PTPRT: variants seen among roughly 807,000 people sequenced by gnomAD.
The protein encoded by PTPRT is protein tyrosine phosphatase receptor type T, also known as receptor-type tyrosine-protein phosphatase T.
A neutral mutation model predicts 176.8 loss-of-function variants in PTPRT; 56 were observed. The ratio of observed to expected loss-of-function variants is 0.32; its 90% CI spans 0.26 to 0.40. The LOEUF (loss-of-function observed/expected upper bound fraction) is 0.40, where lower values mean the gene tolerates loss of function less well. Ranked by LOEUF, PTPRT falls within the 10% of genes least tolerant of loss-of-function variation. The probability of loss-of-function intolerance (pLI) is 1.00; values close to 1 mark genes in which losing one functional copy is unlikely to be tolerated. For synonymous variants in PTPRT, 783 were observed against 739.0 expected (o/e 1.06, Z -0.96); for missense variants, 1,540 against 1,908.2 (o/e 0.81, Z 3.60).
chr20:42,640,055 T>C (rs2074705552), intron 7 of PTPRT, among the ~76,000 whole-genome samples: 1 of 152,084 alleles, frequency 6.6e-6, no homozygotes, highest in South Asian at 2.1e-4. Flanking sequence ...TCTACACAGA[T>C]GGAGTTCATT....
chr20:42,386,499 G>A, intron 9 of PTPRT, among the ~76,000 whole-genome samples: 1 of 152,152 alleles, frequency 6.6e-6, no homozygotes, highest in Admixed American at 6.5e-5. Context: ...GAGAGGAGTG[G>A]AACTGGACAA....
intron 1 of PTPRT, among the ~76,000 whole-genome samples, chr20:43,122,968 C>T (rs1268940746): frequency 7.2e-5 from 11 of 152,164 alleles, no homozygotes; most frequent in Non-Finnish European, 1.6e-4. Context: ...ATTCTCCTGC[C>T]TCAGCCTCCC....
chr20:42,335,970 C>CT lies in PTPRT; in HGVS notation c.1865+14657dup, dbSNP rs1396094482. 3.3e-5 allele frequency among the ~76,000 whole-genome samples: 5 copies of CT among 152,240 alleles called. No homozygotes were observed. In the East Asian group the frequency reaches 9.6e-4, roughly 29 times the overall value. ...CATGATCTTGAGCAAGTTAGTTAAC[C>CT]TTTCAGTACTTCAGTTTCCCCATCT... On this transcript the variant is annotated intron_variant, in intron 11 of 30. Coordinates refer to ENST00000373187, the MANE Select transcript of PTPRT (RefSeq NM_007050.6).
At chr20:42,942,653 C>T (rs1980633167) in intron 1 of PTPRT, among the ~76,000 whole-genome samples, 2 of 152,194 alleles carry the variant, frequency 1.3e-5, no homozygotes. Context: ...CGTATGATTG[C>T]TGGCTCTGGG....
chr20:42,904,507 A>G (rs1315621918), intron 1 of PTPRT, among the ~76,000 whole-genome samples: 3 of 152,190 alleles, frequency 2.0e-5, no homozygotes, highest in Admixed American at 6.5e-5. Flanking sequence ...CACAGTACCA[A>G]GGCAATGCCC....
intron 1 of PTPRT, among the ~76,000 whole-genome samples, chr20:42,975,930 A>C (rs1020014047): frequency 6.6e-6 from 1 of 151,970 alleles, no homozygotes; most frequent in African/African-American, 2.4e-5. Context: ...CCCCACCAAA[A>C]AAAAAAAAGA....
chr20:42,242,386 T>A (rs969962177), intron 14 of PTPRT, among the ~76,000 whole-genome samples: 1 of 152,186 alleles, frequency 6.6e-6, no homozygotes, highest in Non-Finnish European at 1.5e-5. Flanking sequence ...ACACTGGAGA[T>A]GAAGATGAAT....
chr20:42,209,344 T>C (rs907923177), intron 15 of PTPRT, among the ~76,000 whole-genome samples: 7 of 151,730 alleles, frequency 4.6e-5, no homozygotes, highest in African/African-American at 1.7e-4. Flanking sequence ...TTCAAAAAAT[T>C]AATGAATCCA....
intron 18 of PTPRT, among the ~76,000 whole-genome samples, chr20:42,135,170 GCTTGT>G (rs1988313514): frequency 6.6e-6 from 1 of 152,160 alleles, no homozygotes; most frequent in African/African-American, 2.4e-5. Flanking sequence ...CAGACCTGAG[GCTTGT>G]CACACCCTAA....
At chr20:42,522,834 G>T (rs1037841858) in intron 7 of PTPRT, among the ~76,000 whole-genome samples, 1 of 152,044 alleles carries the variant, frequency 6.6e-6, no homozygotes, top group African/African-American at 2.4e-5. Flanking sequence ...ATATGAAATT[G>T]GTTTCCCTGA....
intron 15 of PTPRT, among the ~76,000 whole-genome samples, chr20:42,223,557 T>G (rs920053602): frequency 6.6e-6 from 1 of 152,220 alleles, no homozygotes; most frequent in Non-Finnish European, 1.5e-5. Context: ...TTGAGCAAAT[T>G]GCCCCTTGCC....
chr20:43,108,518 G>C (rs1368344149), intron 1 of PTPRT, among the ~76,000 whole-genome samples: 1 of 152,058 alleles, frequency 6.6e-6, no homozygotes, highest in Non-Finnish European at 1.5e-5. Flanking sequence ...TGTTTTGGGC[G>C]ATTTGTTATG....
At chr20:42,899,146 GC>G (rs930950658) in intron 1 of PTPRT, among the ~76,000 whole-genome samples, 6 of 152,232 alleles carry the variant, frequency 3.9e-5, no homozygotes, top group African/African-American at 1.4e-4. Flanking sequence ...CCAGAGCTCT[GC>G]CCACTCAGAT....
rs1417641138 is a variant in PTPRT, at chr20:42,634,618, A to G, written c.1153+43248T>C. 2.0e-5 allele frequency among the ~76,000 whole-genome samples: 3 copies of G among 152,218 alleles called. No individual in the cohort carries two copies. The South Asian group carries it at 6.2e-4, about 32-fold the overall frequency. ...TTTTAAAATTAATCAAGGATTGTCA[A>G]TGGAAAATAAAGATTTCAGATTCCT... On this transcript the variant is annotated intron_variant, in intron 7 of 30. Transcript: ENST00000373187.
chr20:42,074,192 C>G lies in PTPRT; in HGVS notation c.*6687G>C, dbSNP rs1273730165. On this transcript the variant is annotated 3_prime_UTR_variant, in exon 31 of 31. Transcript: ENST00000373187. The stretch of plus-strand genomic sequence containing the variant: ...CTGGGGCCTTTGACCCAAAGAACAC[C>G]TGACATTATTCATCTTCCATGGGAG... The G allele has an allele frequency of 4.4e-6, 1 of 227,956 alleles. No individual in the cohort carries two copies. Among genetic ancestry groups the G allele is most frequent in the African/African-American group, 2.2e-5 (1 of 45,040 alleles). 14.1% of individuals were successfully genotyped at this position (227,956 alleles called of 1,614,324 possible). A position where few individuals can be genotyped will look rare whatever the true frequency, so the allele number is the denominator to read the frequency against.
chr20:42,132,909 G>A (rs2146379113), intron 18 of PTPRT, among the ~76,000 whole-genome samples: 1 of 151,916 alleles, frequency 6.6e-6, no homozygotes, highest in Non-Finnish European at 1.5e-5. Context: ...CAAAAACTTG[G>A]AGGCAACCAA....
At chr20:42,086,813 C>CA (rs1984015016) in intron 27 of PTPRT, among the ~76,000 whole-genome samples, 1 of 140,724 alleles carries the variant, frequency 7.1e-6, no homozygotes, top group Non-Finnish European at 1.5e-5. Flanking sequence ...GTCTCAGGTG[C>CA]TCACTAGCTG....
chr20:42,156,517 A>T (rs995385693), intron 17 of PTPRT, among the ~76,000 whole-genome samples: 3 of 152,180 alleles, frequency 2.0e-5, no homozygotes, highest in African/African-American at 4.8e-5. Flanking sequence ...TCTTTATCAA[A>T]TTCCAACTTC....
At chr20:42,966,621 T>C (rs986898333) in intron 1 of PTPRT, among the ~76,000 whole-genome samples, 3 of 152,160 alleles carry the variant, frequency 2.0e-5, no homozygotes, top group Non-Finnish European at 4.4e-5. Flanking sequence ...TTTTAGAACA[T>C]CTTCACCTGG....
Sources: gnomAD v4.1 joint callset for allele counts (sites outside exome capture counted in the v4.1 genomes callset) on GRCh38, gnomAD v4.1.1 for gene constraint, MANE v1.5 for transcripts, NCBI Gene and HGNC (gene_info 2026-07-23, HGNC 2026-07-21) for gene names.